The following TLL1 variants were observed in gnomAD, a reference collection of about 807,000 sequenced individuals.
TLL1 encodes tolloid like 1.
A neutral mutation model predicts 128.2 loss-of-function variants in TLL1; 49 were observed. The ratio of observed to expected loss-of-function variants is 0.38; its 90% CI spans 0.30 to 0.48. TLL1 has a LOEUF of 0.48. TLL1 is among the 20% of genes least tolerant of loss of function. TLL1 has a pLI of 0.96. For synonymous variants in TLL1, 454 were observed against 418.8 expected, an observed-to-expected ratio of 1.08 and a Z score of -1.03; for missense variants, 1,123 against 1,242.0, an observed-to-expected ratio of 0.90 and a Z score of 1.44.
At chr4:165,926,445 T>C (rs775249964) in intron 1 of TLL1, among the ~76,000 whole-genome samples, 4 of 152,196 alleles carry the variant, frequency 2.6e-5, no homozygotes, top group Non-Finnish European at 1.5e-5. Flanking sequence ...AGTTTGTTCT[T>C]ATCTCTGGTA....
At chr4:166,005,984 G>A (rs1434033375) in intron 6 of TLL1, among the ~76,000 whole-genome samples, 1 of 151,824 alleles carries the variant, frequency 6.6e-6, no homozygotes, top group Non-Finnish European at 1.5e-5. Context: ...GAGATTTCCT[G>A]AATGATGGGA....
intron 18 of TLL1, among the ~76,000 whole-genome samples, chr4:166,087,098 A>G (rs1034435997): frequency 1.3e-5 from 2 of 152,150 alleles, no homozygotes; most frequent in Admixed American, 1.3e-4. Flanking sequence ...ATTAAATTTG[A>G]GGGTACCTTT....
At chr4:165,995,255 A>G (rs1736821991) in intron 5 of TLL1, 77 bp downstream of exon 5, 2 of 1,082,450 alleles carry the variant, frequency 1.8e-6, no homozygotes, top group Non-Finnish European at 2.8e-6. Flanking sequence ...CATAGGTAAG[A>G]TTTATTTCTT....
At chr4:165,953,329 C>G (rs1487789961) in intron 1 of TLL1, among the ~76,000 whole-genome samples, 1 of 152,016 alleles carries the variant, frequency 6.6e-6, no homozygotes, top group Non-Finnish European at 1.5e-5. Flanking sequence ...GCCAGATGGA[C>G]AGCCTGTGCT....
intron 1 of TLL1, among the ~76,000 whole-genome samples, chr4:165,975,749 G>T (rs751941039): frequency 6.6e-6 from 1 of 151,870 alleles, no homozygotes; most frequent in Non-Finnish European, 1.5e-5. Flanking sequence ...TTTAGAAGTT[G>T]TAAGATGACC....
rs748412303 is a variant in TLL1 at position 166,003,478 on chromosome 4, T to C, written c.720T>C (p.His240=). ...KNCDKFGIVV[H]ELGHVIGFWH... is the part of the protein sequence containing the mutation. ...GTGATAAATTTGGGATTGTTGTTCA[T>C]GAATTGGGTCATGTGATAGGCTTTT... Residue 240 remains histidine, a synonymous_variant, in exon 6 of 21, where the codon CAT becomes CAC. Coordinates refer to ENST00000061240, the MANE Select transcript of TLL1 (RefSeq NM_012464.5). 29 of 1,613,954 alleles carry C rather than the reference T, an allele frequency of 1.8e-5. No homozygotes were observed. In the Admixed American group the frequency reaches 4.3e-4, roughly 24 times the overall value.
At chr4:166,049,145 T>C (rs1739596265) in intron 12 of TLL1, among the ~76,000 whole-genome samples, 1 of 152,180 alleles carries the variant, frequency 6.6e-6, no homozygotes, top group African/African-American at 2.4e-5. Context: ...AGAGGAGTTA[T>C]GCAGCTCTTC....
chr4:166,002,098 C>A (rs1403851865), intron 5 of TLL1, among the ~76,000 whole-genome samples: 2 of 152,116 alleles, frequency 1.3e-5, no homozygotes, highest in African/African-American at 4.8e-5. Flanking sequence ...ATTTATTTCT[C>A]ACAGTTCTGG....
At chr4:166,093,016 T>C (rs1372918734) in intron 19 of TLL1, among the ~76,000 whole-genome samples, 1 of 152,202 alleles carries the variant, frequency 6.6e-6, no homozygotes, top group Non-Finnish European at 1.5e-5. Context: ...TGCATTATGA[T>C]TAACATTCCA....
At chr4:166,018,078 G>T (rs1041766616) in intron 8 of TLL1, among the ~76,000 whole-genome samples, 1 of 152,072 alleles carries the variant, frequency 6.6e-6, no homozygotes, top group Non-Finnish European at 1.5e-5. Context: ...GATTGTGTTT[G>T]GTTTTCATAC....
intron 1 of TLL1, among the ~76,000 whole-genome samples, chr4:165,956,224 T>C (rs778018311): frequency 3.9e-5 from 6 of 152,100 alleles, no homozygotes; most frequent in Non-Finnish European, 7.4e-5. Flanking sequence ...GCACGTATTG[T>C]CTTGATAAAC....
chr4:165,948,033 T>C (rs1229583436), intron 1 of TLL1, among the ~76,000 whole-genome samples: 2 of 152,036 alleles, frequency 1.3e-5, no homozygotes, highest in South Asian at 2.1e-4. Context: ...GAGGGCAGAG[T>C]AGCTTGCCCA....
chr4:165,980,525 G>A (rs1188494455), intron 1 of TLL1, among the ~76,000 whole-genome samples: 3 of 152,116 alleles, frequency 2.0e-5, no homozygotes, highest in Non-Finnish European at 4.4e-5. Context: ...GTAGTGATAA[G>A]CTCTCATTCA....
intron 1 of TLL1, among the ~76,000 whole-genome samples, chr4:165,899,789 GT>G (rs1731879435): frequency 6.6e-6 from 1 of 152,114 alleles, no homozygotes; most frequent in Non-Finnish European, 1.5e-5. Context: ...ATAATTTTCT[GT>G]CTCGTTGATC....
chr4:166,098,669 A>G (rs535306010), intron 19 of TLL1, among the ~76,000 whole-genome samples: 17 of 152,204 alleles, frequency 1.1e-4, no homozygotes, highest in Non-Finnish European at 2.4e-4. Flanking sequence ...TGAGATAAAT[A>G]TTTCTATCGA....
At chr4:166,085,374 T>C (rs554144229) in intron 18 of TLL1, among the ~76,000 whole-genome samples, 14 of 152,182 alleles carry the variant, frequency 9.2e-5, no homozygotes, top group African/African-American at 3.4e-4. Flanking sequence ...GAGGAAAAGC[T>C]TTCAGCTTTT....
At chr4:165,958,708 T>G (rs1734939349) in intron 1 of TLL1, among the ~76,000 whole-genome samples, 1 of 142,442 alleles carries the variant, frequency 7.0e-6, no homozygotes, top group Non-Finnish European at 1.5e-5. Context: ...AGAAGCTCTT[T>G]AGTTTAATTA....
At chr4:165,979,072 A>G (rs1436846885) in intron 1 of TLL1, among the ~76,000 whole-genome samples, 1 of 152,104 alleles carries the variant, frequency 6.6e-6, no homozygotes, top group African/African-American at 2.4e-5. Context: ...GGATCAGAGA[A>G]TATTCCATTA....
Position 166,100,851 on chromosome 4 carries a change from C to T in TLL1, c.3017C>T (p.Pro1006Leu), listed in dbSNP as rs996415364. The change falls in exon 21 of 21, where the codon CCA becomes CTA. Residue 1006 changes from proline to leucine, a missense_variant. Transcript: ENST00000061240. Reference protein sequence around the residue: ...FHIRYKSIRYPDTTHTKK With the variant: ...FHIRYKSIRYLDTTHTKK ...ATAAGATACAAAAGCATAAGATATC[C>T]AGATACCACACATACCAAAAAATAA... 6.3e-5 allele frequency: 101 copies of T among 1,612,530 alleles called. No individual in the cohort carries two copies. Among genetic ancestry groups the T allele is most frequent in the Non-Finnish European group, 7.7e-5 (91 of 1,179,250 alleles).
Sources: gnomAD v4.1 joint callset for allele counts (sites outside exome capture counted in the v4.1 genomes callset) on GRCh38, gnomAD v4.1.1 for gene constraint, MANE v1.5 for transcripts, NCBI Gene and HGNC (gene_info 2026-07-23, HGNC 2026-07-21) for gene names.